GRM8: variants seen among roughly 807,000 people sequenced by gnomAD.
The protein encoded by GRM8 is glutamate metabotropic receptor 8, also known as metabotropic glutamate receptor 8.
A neutral mutation model predicts 87.2 loss-of-function variants in GRM8; 47 were observed. The observed-to-expected ratio is 0.54, with a 90% confidence interval of 0.43 to 0.69. The LOEUF (loss-of-function observed/expected upper bound fraction) is 0.69. Ranked by LOEUF, GRM8 falls within the 30% of genes least tolerant of loss-of-function variation. The pLI, the probability that GRM8 is intolerant of heterozygous loss-of-function variation, is 0.00. For synonymous variants in GRM8, 396 were observed against 404.5 expected, an observed-to-expected ratio of 0.98 and a Z score of 0.25; for missense variants, 1,019 against 1,139.2, an observed-to-expected ratio of 0.89 and a Z score of 1.52.
intron 3 of GRM8, among the ~76,000 whole-genome samples, chr7:126,992,807 G>A (rs1241075430): frequency 2.0e-5 from 2 of 98,454 alleles, no homozygotes; most frequent in Non-Finnish European, 4.9e-5. Context: ...CTCTCTCTCC[G>A]TGTGTGTGTG....
intron 7 of GRM8, among the ~76,000 whole-genome samples, chr7:126,643,290 C>CAAA (rs1157527693): frequency 8.5e-4 from 17 of 20,106 alleles, no homozygotes; most frequent in South Asian, 3.0e-3. Flanking sequence ...GAACTTGTCT[C>CAAA]AAAAAAAAAA....
intron 8 of GRM8, among the ~76,000 whole-genome samples, chr7:126,585,175 T>C (rs1393862903): frequency 6.6e-6 from 1 of 152,116 alleles, no homozygotes; most frequent in Non-Finnish European, 1.5e-5. Flanking sequence ...TAACCTAATT[T>C]TCAATATCTG....
rs866669255 is a variant in GRM8 at position 126,549,101 on chromosome 7, T to A, written c.1495-15214A>T. On this transcript the variant is annotated intron_variant, in intron 8 of 10. Coordinates refer to ENST00000339582, the MANE Select transcript of GRM8 (RefSeq NM_000845.3). ...GTAGAAACCACATAAAGCTTCTTCCTCAAACCACTGAAGAAAACAATACAG... is the reference window on the plus strand; with the variant it reads ...GTAGAAACCACATAAAGCTTCTTCCACAAACCACTGAAGAAAACAATACAG... Among the ~76,000 whole-genome samples the A allele has an allele frequency of 3.3e-5, 5 of 152,038 alleles. No homozygotes were observed. In the South Asian group the frequency reaches 1.0e-3, roughly 32 times the overall value.
At chr7:126,893,156 T>C (rs1298581087) in intron 6 of GRM8, among the ~76,000 whole-genome samples, 3 of 152,082 alleles carry the variant, frequency 2.0e-5, no homozygotes, top group African/African-American at 7.2e-5. Context: ...ATAAATGTAA[T>C]TTTATTTTTT....
rs140420416 is a variant in GRM8 at position 126,777,073 on chromosome 7, G to A, written c.1157-7008C>T. Among the ~76,000 whole-genome samples the A allele has an allele frequency of 7.3e-4, 111 of 152,070 alleles. 1 individual carries two copies. Among genetic ancestry groups the A allele is most frequent in the African/African-American group, 2.4e-3 (99 of 41,478 alleles). ...TGTCAACCTGGATTAATTTTTTCCC[G>A]CATTCAGAGTTTTGGTTCACTGTGT... On this transcript the variant is annotated intron_variant, in intron 6 of 10. Transcript: ENST00000339582.
intron 2 of GRM8, among the ~76,000 whole-genome samples, chr7:127,235,003 CT>C (rs1587348284): frequency 1.3e-5 from 2 of 152,210 alleles, no homozygotes; most frequent in East Asian, 3.9e-4. Context: ...GAGCACAGTA[CT>C]TTCCTTATGC....
intron 9 of GRM8, among the ~76,000 whole-genome samples, chr7:126,506,775 T>C (rs1810539393): frequency 6.6e-6 from 1 of 151,384 alleles, no homozygotes; most frequent in African/African-American, 2.4e-5. Context: ...TAAGACTCTG[T>C]CTCAAAAGAA....
At chr7:126,592,687 T>C (rs1010436516) in intron 8 of GRM8, among the ~76,000 whole-genome samples, 7 of 151,782 alleles carry the variant, frequency 4.6e-5, no homozygotes, top group Admixed American at 1.3e-4. Context: ...GACAAACCCG[T>C]AGCTAACATC....
intron 7 of GRM8, among the ~76,000 whole-genome samples, chr7:126,678,750 T>A (rs1486791390): frequency 6.6e-6 from 1 of 152,164 alleles, no homozygotes; most frequent in South Asian, 2.1e-4. Flanking sequence ...GACAGTTGCA[T>A]ACAGTATCTT....
chr7:126,886,984 G>A (rs1800558482), intron 6 of GRM8, among the ~76,000 whole-genome samples: 1 of 152,108 alleles, frequency 6.6e-6, no homozygotes, highest in Non-Finnish European at 1.5e-5. Flanking sequence ...CTTCAGAAAT[G>A]TGTCCAGACA....
chr7:126,651,214 C>T (rs1360533101), intron 7 of GRM8, among the ~76,000 whole-genome samples: 1 of 152,200 alleles, frequency 6.6e-6, no homozygotes, highest in African/African-American at 2.4e-5. Context: ...CTGACCAAGG[C>T]ACTCACTTTG....
chr7:126,961,960 G>T (rs533614933), intron 3 of GRM8, among the ~76,000 whole-genome samples: 14 of 151,734 alleles, frequency 9.2e-5, no homozygotes, highest in South Asian at 8.3e-4. Context: ...AAATGAAGCA[G>T]CTTTCTTTGC....
At chr7:126,842,475 G>A (rs894985444) in intron 6 of GRM8, among the ~76,000 whole-genome samples, 2 of 152,190 alleles carry the variant, frequency 1.3e-5, no homozygotes, top group Non-Finnish European at 2.9e-5. Context: ...GCAGACTAAT[G>A]CCTGCCACCA....
At chr7:126,769,731 C>A in intron 7 of GRM8, 134 bp downstream of exon 7, 1 of 610,320 alleles carries the variant, frequency 1.6e-6, no homozygotes, top group South Asian at 2.2e-5. Context: ...TGGAAAAACT[C>A]ACACTTCTAA....
intron 3 of GRM8, among the ~76,000 whole-genome samples, chr7:127,012,879 G>C (rs1448513956): frequency 6.6e-6 from 1 of 152,068 alleles, no homozygotes. Context: ...TATTCTCAAG[G>C]GTTTAGAAGG....
intron 7 of GRM8, among the ~76,000 whole-genome samples, chr7:126,673,033 G>C (rs1321023010): frequency 6.6e-6 from 1 of 152,164 alleles, no homozygotes; most frequent in Admixed American, 6.5e-5. Context: ...GGGAGGGGGT[G>C]CCTGGAGAAA....
chr7:127,044,394 T>G (rs1040680770), intron 3 of GRM8, among the ~76,000 whole-genome samples: 1 of 152,084 alleles, frequency 6.6e-6, no homozygotes, highest in African/African-American at 2.4e-5. Context: ...GTAACCAAGA[T>G]TAGAAAGATG....
chr7:126,679,964 G>A (rs1486686535), intron 7 of GRM8, among the ~76,000 whole-genome samples: 1 of 151,944 alleles, frequency 6.6e-6, no homozygotes, highest in East Asian at 1.9e-4. Context: ...CCAGGAGGTG[G>A]AGGTTGCAGT....
intron 7 of GRM8, among the ~76,000 whole-genome samples, chr7:126,612,575 T>C (rs1799026217): frequency 6.6e-6 from 1 of 152,170 alleles, no homozygotes; most frequent in Non-Finnish European, 1.5e-5. Flanking sequence ...AGACTTACTA[T>C]CCATTCTGTA....
Sources: gnomAD v4.1 joint callset for allele counts (sites outside exome capture counted in the v4.1 genomes callset) on GRCh38, gnomAD v4.1.1 for gene constraint, MANE v1.5 for transcripts, NCBI Gene and HGNC (gene_info 2026-07-23, HGNC 2026-07-21) for gene names.